Variants in SLC26A4 observed in about 807,000 individuals in gnomAD.
The protein encoded by SLC26A4 is solute carrier family 26 member 4.
A neutral mutation model predicts 90.4 loss-of-function variants in SLC26A4; 93 were observed. The ratio of observed to expected loss-of-function variants is 1.03; its 90% CI spans 0.87 to 1.22. The LOEUF is 1.22. Ranked by LOEUF, SLC26A4 falls within the 50% of genes most tolerant of loss-of-function variation. SLC26A4 has a pLI of 0.00. For missense variants in SLC26A4, 1,127 were observed against 946.2 expected, an observed-to-expected ratio of 1.19 and a Z score of -2.51; for synonymous variants, 393 against 354.6, an observed-to-expected ratio of 1.11 and a Z score of -1.22.
intron 13 of SLC26A4, 103 bp from the exon 14 acceptor site, chr7:107,697,939 A>G: frequency 1.3e-6 from 1 of 774,376 alleles, no homozygotes; most frequent in Non-Finnish European, 2.3e-6. Flanking sequence ...GACAGAGTCC[A>G]AAACACCAGA....
chr7:107,680,290 C>T (rs13244296), intron 6 of SLC26A4, among the ~76,000 whole-genome samples: 2 of 119,340 alleles, frequency 1.7e-5, no homozygotes, highest in African/African-American at 3.6e-5. Flanking sequence ...ATAATCTTAT[C>T]TTATTATATA....
Position 107,661,675 on chromosome 7 carries a change from C to G in SLC26A4, c.34C>G (p.Gln12Glu). The G allele has an allele frequency of 6.4e-7, 1 of 1,571,396 alleles. No individual in the cohort carries two copies. The highest frequency in any genetic ancestry group is 1.2e-5 in the South Asian group (1 of 86,348). ...GCCAGGCGGCAGGTCGGAGCCGCCG[C>G]AGCTCCCCGAGTACAGCTGCAGCTA... ...AAPGGRSEPPQLPEYSCSYMV... is the reference protein window; with the variant it reads ...AAPGGRSEPPELPEYSCSYMV... Residue 12 changes from glutamine to glutamate, a missense_variant, in exon 2 of 21, where the codon CAG becomes GAG. Coordinates refer to ENST00000644269, the MANE Select transcript of SLC26A4 (RefSeq NM_000441.2). The surrounding 1 kb of genome is among the most constrained non-coding windows in gnomAD (Gnocchi z 5.1).
chr7:107,714,443 A>G (rs562891644), intron 20 of SLC26A4, among the ~76,000 whole-genome samples: 91 of 152,338 alleles, frequency 6.0e-4, no homozygotes, highest in African/African-American at 2.1e-3. Context: ...TGAAAATCAC[A>G]GTACCTGCAT....
At chr7:107,691,518 C>T (rs62469779) in intron 10 of SLC26A4, among the ~76,000 whole-genome samples, 102 of 82,854 alleles carry the variant, frequency 1.2e-3, no homozygotes, top group African/African-American at 3.4e-3. Context: ...TATATATACA[C>T]ACACACACAC....
chr7:107,675,429 C>T (rs1241503322), intron 6 of SLC26A4, among the ~76,000 whole-genome samples: 1 of 151,680 alleles, frequency 6.6e-6, no homozygotes, highest in African/African-American at 2.4e-5. Flanking sequence ...ATCTCCTGAG[C>T]CCTGGAGGTT....
At chr7:107,685,728 C>G (rs1457842365) in intron 8 of SLC26A4, among the ~76,000 whole-genome samples, 1 of 152,216 alleles carries the variant, frequency 6.6e-6, no homozygotes, top group Non-Finnish European at 1.5e-5. Context: ...TCTTAACCAG[C>G]AGACACTATG....
intron 10 of SLC26A4, among the ~76,000 whole-genome samples, chr7:107,691,456 C>T (rs1488288195): frequency 2.7e-5 from 4 of 148,760 alleles, no homozygotes; most frequent in South Asian, 2.2e-4. Flanking sequence ...GAGCCAATAT[C>T]GTGCCACTAC....
intron 17 of SLC26A4, among the ~76,000 whole-genome samples, chr7:107,702,433 T>G (rs1163006833): frequency 6.6e-6 from 1 of 152,202 alleles, no homozygotes; most frequent in Non-Finnish European, 1.5e-5. Context: ...GGCTCACGCC[T>G]GTAATCCCAG....
rs1792322433 is a variant in SLC26A4, at chr7:107,715,443, C to T, written c.2340C>T (p.Ser780=). 1 of 1,612,888 alleles carries T rather than the reference C, an allele frequency of 6.2e-7. No homozygotes were observed. The highest frequency in any genetic ancestry group is 8.5e-7 in the Non-Finnish European group (1 of 1,178,872). Residue 780 remains serine (S), a synonymous_variant, in exon 21 of 21, where the codon TCC becomes TCT. Transcript: ENST00000644269. ...VQDEAMRTLA[S] ...CACAGGCTATGCGTACACTTGCATC[C>T]TGAAAGTGGGTTCGGGAGGTCTCTA...
chr7:107,700,836 G>T (rs1352430763), intron 15 of SLC26A4, among the ~76,000 whole-genome samples: 1 of 152,136 alleles, frequency 6.6e-6, no homozygotes. Context: ...ACTAAAGAGG[G>T]TATTTTGGGG....
chr7:107,702,380 T>C (rs1222967353), intron 17 of SLC26A4, among the ~76,000 whole-genome samples: 1 of 152,124 alleles, frequency 6.6e-6, no homozygotes, highest in Non-Finnish European at 1.5e-5. Flanking sequence ...AGCTAATAGA[T>C]ATAAGGTGTT....
At chr7:107,689,244 C>T (rs1791504978) in intron 9 of SLC26A4, 44 bp downstream of exon 9, 1 of 1,602,952 alleles carries the variant, frequency 6.2e-7, no homozygotes, top group African/African-American at 1.3e-5. Context: ...GGGCTGGAAA[C>T]AGGAAAAAAA....
chr7:107,670,018 A>C lies in SLC26A4; in HGVS notation c.305-2120A>C, dbSNP rs551106976. On this transcript the variant is annotated intron_variant, in intron 3 of 20. Transcript: ENST00000644269. ...GGCAGTAATTTATTTCTTAAGCTAG[A>C]TGATGGATACATGAAAGTTTATTAT... is the stretch of plus-strand genomic sequence containing the variant. 1.6e-4 allele frequency among the ~76,000 whole-genome samples: 25 copies of C among 152,220 alleles called. No individual in the cohort carries two copies. The South Asian group carries it at 4.8e-3, about 29-fold the overall frequency.
chr7:107,661,794 C>T lies in SLC26A4; in HGVS notation c.153C>T (p.Ala51=). The change falls in exon 2 of 21, where the codon GCC becomes GCT. Residue 51 remains alanine (A), a synonymous_variant. Coordinates refer to ENST00000644269, the MANE Select transcript of SLC26A4 (RefSeq NM_000441.2). This position sits in a 1 kb window ranked among gnomAD's most constrained non-coding sequence, Gnocchi z 5.1. ...QERKTLRESL[A]KCCSCSRKRA... ...GCAAGACGCTGCGGGAGAGCCTGGC[C>T]AAGTGCTGCAGGTAGCGGCCGCGCG... is the stretch of plus-strand genomic sequence containing the variant. 2 of 1,537,808 alleles carry T rather than the reference C, an allele frequency of 1.3e-6. No homozygotes were observed. Among genetic ancestry groups the T allele is most frequent in the African/African-American group, 2.7e-5 (2 of 73,172 alleles).
chr7:107,695,823 A>C lies in SLC26A4; in HGVS notation c.1438-110A>C, dbSNP rs867978326. 6.4e-6 allele frequency: 5 copies of C among 776,638 alleles called. No individual in the cohort carries two copies. In the African/African-American group the frequency reaches 6.9e-5, roughly 11 times the overall value. 48.1% of individuals were successfully genotyped at this position (776,638 alleles called of 1,614,324 possible). On this transcript the variant is annotated intron_variant, in intron 12 of 20. Transcript: ENST00000644269. The stretch of plus-strand genomic sequence containing the variant: ...GTGTGACCCTATCTCAAAAGAAAAA[A>C]AAAAATGTAATTTGTTTGTGGATCA...
In SLC26A4 at chr7:107,683,285, G is replaced by C. The variant is rs146348818; in HGVS notation, c.849G>C (p.Met283Ile). 5.8e-4 allele frequency: 937 copies of C among 1,613,354 alleles called. 8 individuals carry two copies. In the African/African-American group the frequency reaches 9.5e-3, roughly 16 times the overall value. ...GATTGCTCACCATTGTCGTCTGTAT[G>C]GCAGTTAAGGAATTAAATGATCGGT... ...TAGLLTIVVCMAVKELNDRFR... is the reference protein window; with the variant it reads ...TAGLLTIVVCIAVKELNDRFR... The change falls in exon 7 of 21, where the codon ATG becomes ATC. Residue 283 changes from methionine (M) to isoleucine (I), a missense_variant. By Grantham distance (10) the Met-to-Ile change is conservative (BLOSUM62 1). Coordinates refer to ENST00000644269, the MANE Select transcript of SLC26A4 (RefSeq NM_000441.2).
chr7:107,687,057 T>C (rs1791441534), intron 8 of SLC26A4, among the ~76,000 whole-genome samples: 2 of 152,252 alleles, frequency 1.3e-5, no homozygotes, highest in African/African-American at 4.8e-5. Context: ...TCTGGTATTC[T>C]GTTTGGTATT....
intron 17 of SLC26A4, among the ~76,000 whole-genome samples, chr7:107,704,003 G>A (rs1352254674): frequency 6.6e-6 from 1 of 152,136 alleles, no homozygotes; most frequent in African/African-American, 2.4e-5. Context: ...GATAAGCATA[G>A]CCACACCCAT....
chr7:107,668,504 C>T (rs1348827510), intron 3 of SLC26A4, among the ~76,000 whole-genome samples: 1 of 152,128 alleles, frequency 6.6e-6, no homozygotes. Flanking sequence ...CAACCACTGG[C>T]TGAGCAGCTG....
Sources: allele counts gnomAD v4.1 joint callset (sites outside exome capture counted in the v4.1 genomes callset), GRCh38; gene constraint gnomAD v4.1.1; non-coding constraint Gnocchi (gnomAD v3.1); transcripts MANE v1.5; gene names NCBI Gene and HGNC (gene_info 2026-07-23, HGNC 2026-07-21).